Variants in CEP170 observed in about 807,000 individuals in gnomAD.
CEP170 encodes the protein centrosomal protein of 170 kDa.
A neutral mutation model predicts 151.9 loss-of-function variants in CEP170; 21 were observed. The observed-to-expected ratio is 0.14, with a 90% CI of 0.10 to 0.20. The LOEUF is 0.20. Ranked by LOEUF, CEP170 falls within the 10% of genes least tolerant of loss-of-function variation. The pLI is 1.00. For missense variants in CEP170, 964 were observed against 1,892.9 expected (o/e 0.51, Z 9.11); for synonymous variants, 356 against 648.8 (o/e 0.55, Z 6.86).
chr1:243,201,289 C>A (rs904355117), intron 4 of CEP170, among the ~76,000 whole-genome samples: 1 of 152,022 alleles, frequency 6.6e-6, no homozygotes, highest in Non-Finnish European at 1.5e-5. Flanking sequence ...AAATGAAGTT[C>A]ATTTTGCAAG....
At chr1:243,253,108 G>T (rs550638392) in intron 1 of CEP170, 1 of 152,282 alleles carries the variant, frequency 6.6e-6, no homozygotes, top group African/African-American at 2.4e-5. Context: ...CTACCGTTAA[G>T]TAGCTACCAT....
chr1:243,197,684 TGA>T (rs2060747089), intron 7 of CEP170, among the ~76,000 whole-genome samples: 1 of 152,100 alleles, frequency 6.6e-6, no homozygotes, highest in South Asian at 2.1e-4. Flanking sequence ...AGAGCAAGAC[TGA>T]GAGACGGAGA....
chr1:243,221,376 T>C (rs898777114), intron 3 of CEP170, among the ~76,000 whole-genome samples: 1 of 152,144 alleles, frequency 6.6e-6, no homozygotes, highest in African/African-American at 2.4e-5. Context: ...TCCCTGAGAG[T>C]ACTTTTTTGC....
At chr1:243,155,814 G>C (rs1280692354) in intron 14 of CEP170, among the ~76,000 whole-genome samples, 1 of 152,100 alleles carries the variant, frequency 6.6e-6, no homozygotes, top group Non-Finnish European at 1.5e-5. Context: ...TCTCTCCAGA[G>C]AGCAGTAGCC....
chr1:243,127,890 A>C (rs2053891908), intron 19 of CEP170, among the ~76,000 whole-genome samples: 1 of 152,216 alleles, frequency 6.6e-6, no homozygotes, highest in Non-Finnish European at 1.5e-5. Context: ...CACCACCAAC[A>C]TAATTTAAGA....
At chr1:243,169,307 C>A in intron 12 of CEP170, 1 of 229,520 alleles carries the variant, frequency 4.4e-6, no homozygotes, top group Non-Finnish European at 8.5e-6. Context: ...CTTAGGAAGT[C>A]TCAACTTACG....
Position 243,211,976 on chromosome 1 carries a change from C to A in CEP170, c.196-12G>T, listed in dbSNP as rs557408527. 3 of 1,486,640 alleles carry A rather than the reference C, an allele frequency of 2.0e-6. No homozygotes were observed. The highest frequency in any genetic ancestry group is 2.6e-5 in the Admixed American group (1 of 38,822). The allele number at this position is 1,486,640 out of a possible 1,614,324, so 92.1% of individuals were successfully genotyped here. A position where few individuals can be genotyped will look rare whatever the true frequency, so the allele number is the denominator to read the frequency against. On this transcript the variant is annotated splice_polypyrimidine_tract_variant and intron_variant, in intron 3 of 19. Coordinates refer to ENST00000366542, the MANE Select transcript of CEP170 (RefSeq NM_014812.3). ...TCATTCACAAAAGTCTACAAGGAAA[C>A]AAAAAAAGATGTTAGGTTACGTATG...
chr1:243,140,536 T>C (rs181406069), intron 15 of CEP170: 1 of 153,116 alleles, frequency 6.5e-6, no homozygotes, highest in East Asian at 1.9e-4. Context: ...GGTGTCAAAT[T>C]TCTTCACAAG....
At chr1:243,148,662 T>A (rs1415472572) in intron 14 of CEP170, among the ~76,000 whole-genome samples, 1 of 152,204 alleles carries the variant, frequency 6.6e-6, no homozygotes, top group Non-Finnish European at 1.5e-5. Flanking sequence ...CAATAAAGAA[T>A]AAGAAGTCCA....
intron 1 of CEP170, among the ~76,000 whole-genome samples, chr1:243,251,180 G>A (rs1031699837): frequency 1.2e-4 from 18 of 152,132 alleles, no homozygotes; most frequent in African/African-American, 4.1e-4. Context: ...TACACTTTTT[G>A]GAAGCTAAAC....
intron 1 of CEP170, among the ~76,000 whole-genome samples, chr1:243,232,666 A>T (rs1184260168): frequency 6.6e-6 from 1 of 152,208 alleles, no homozygotes; most frequent in Non-Finnish European, 1.5e-5. Context: ...CACTCTGAGG[A>T]TCAAGGACAC....
chr1:243,170,183 C>A (rs1209276501), intron 11 of CEP170, among the ~76,000 whole-genome samples: 2 of 151,770 alleles, frequency 1.3e-5, no homozygotes, highest in African/African-American at 2.4e-5. Context: ...GTCAGGAGAT[C>A]GAGACCACCC....
At chr1:243,140,441 C>G (rs2055703804) in intron 15 of CEP170, 1 of 182,500 alleles carries the variant, frequency 5.5e-6, no homozygotes, top group Admixed American at 6.0e-5. Flanking sequence ...ACAATGAGTT[C>G]ATTTTACTCA....
intron 16 of CEP170, among the ~76,000 whole-genome samples, chr1:243,136,822 G>A (rs183257807): frequency 3.1e-4 from 47 of 149,520 alleles, no homozygotes; most frequent in African/African-American, 1.1e-3. Context: ...GTCTTTGAGG[G>A]ACACAGGGTC....
intron 3 of CEP170, among the ~76,000 whole-genome samples, chr1:243,214,094 T>A (rs2062044659): frequency 6.6e-6 from 1 of 152,170 alleles, no homozygotes; most frequent in Admixed American, 6.5e-5. Context: ...TTATTTGATA[T>A]AGTATGTAAG....
intron 1 of CEP170, among the ~76,000 whole-genome samples, chr1:243,235,330 C>T (rs1156668273): frequency 6.6e-6 from 1 of 152,106 alleles, no homozygotes; most frequent in African/African-American, 2.4e-5. Context: ...AAATTCAGCT[C>T]TGCTGTATAA....
chr1:243,191,263 G>T lies in CEP170; in HGVS notation c.863C>A (p.Thr288Asn). 6.2e-7 allele frequency: 1 copy of T among 1,611,038 alleles called. No homozygotes were observed. The highest frequency in any genetic ancestry group is 8.5e-7 in the Non-Finnish European group (1 of 1,178,716). Residue 288 changes from threonine to asparagine, a missense_variant, in exon 8 of 20, where the codon ACC becomes AAC. Thr to Asn is a moderately conservative substitution (Grantham distance 65, BLOSUM62 0). Transcript: ENST00000366542. ...ASFTIEFDDS[T>N]PGKVTIRDHV... ...GTCTCTAATAGTTACCTTCCCTGGG[G>T]TACTGTCATCAAATTCAATGGTAAA...
intron 13 of CEP170, chr1:243,156,743 T>A (rs1307246605): frequency 1.4e-5 from 4 of 276,558 alleles, no homozygotes; most frequent in African/African-American, 4.4e-5. Flanking sequence ...GATAAACAAC[T>A]AAGCAAGCTC....
In CEP170 at chr1:243,193,272, A is replaced by AT. The variant is rs546479021; in HGVS notation, c.632-1779dup. ...TATTTTTCTATTTTTTCAGACATTG[A>AT]TTTTTTTTTACTATGCACAATGTAC... is the stretch of plus-strand genomic sequence containing the variant. On this transcript the variant is annotated intron_variant, in intron 7 of 19. Transcript: ENST00000366542. 2.8e-3 allele frequency among the ~76,000 whole-genome samples: 425 copies of AT among 151,450 alleles called. 4 individuals are homozygous for AT. The highest frequency in any genetic ancestry group is 9.2e-3 in the African/African-American group (380 of 41,304).
Sources: gnomAD v4.1 joint callset for allele counts (sites outside exome capture counted in the v4.1 genomes callset) on GRCh38, gnomAD v4.1.1 for gene constraint, MANE v1.5 for transcripts, NCBI Gene and HGNC (gene_info 2026-07-23, HGNC 2026-07-21) for gene names.